The following TEX11 variants were observed in gnomAD, a reference collection of about 807,000 sequenced individuals.
TEX11 encodes the protein testis expressed 11.
Under a neutral mutation model 84.4 loss-of-function variants are expected in TEX11, and 7 were observed. That is an observed-to-expected ratio of 0.08 (90% CI 0.05 to 0.16). The LOEUF is 0.16. TEX11 is among the 10% of genes least tolerant of loss of function. TEX11 has a pLI of 1.00. For missense variants in TEX11, 551 were observed against 660.5 expected, an observed-to-expected ratio of 0.83 and a Z score of 1.82; for synonymous variants, 264 against 222.8, an observed-to-expected ratio of 1.18 and a Z score of -1.64.
At chrX:70,642,290 CA>C (rs1478468317) in intron 17 of TEX11, among the ~76,000 whole-genome samples, 2 of 111,287 alleles carry the variant, frequency 1.8e-5, no homozygotes, top group African/African-American at 6.5e-5. Context: ...GCTTACCAAC[CA>C]AAAAGAATCC....
intron 16 of TEX11, among the ~76,000 whole-genome samples, chrX:70,667,650 G>A (rs1014629562): frequency 2.7e-5 from 3 of 112,020 alleles, no homozygotes; most frequent in Non-Finnish European, 3.8e-5. Flanking sequence ...ACAGTAGGCC[G>A]GGCGCGGTGG....
intron 16 of TEX11, among the ~76,000 whole-genome samples, chrX:70,658,049 C>G (rs1397305907): frequency 9.2e-6 from 1 of 108,521 alleles, no homozygotes; most frequent in Non-Finnish European, 1.9e-5. Flanking sequence ...ACATTGTGCA[C>G]ATGTACCCTA....
intron 28 of TEX11, among the ~76,000 whole-genome samples, chrX:70,550,615 A>T (rs2147944848): frequency 8.9e-6 from 1 of 112,267 alleles, no homozygotes; most frequent in Non-Finnish European, 1.9e-5. Context: ...TCAAAAGAAG[A>T]CAAACAAATG....
chrX:70,741,167 C>T (rs1330788270), intron 10 of TEX11, among the ~76,000 whole-genome samples: 1 of 111,464 alleles, frequency 9.0e-6, no homozygotes, highest in Non-Finnish European at 1.9e-5. Flanking sequence ...CGTGGAACAA[C>T]TCTAAGAATT....
At chrX:70,728,337 A>G (rs1012702425) in intron 11 of TEX11, among the ~76,000 whole-genome samples, 6 of 112,887 alleles carry the variant, frequency 5.3e-5, no homozygotes, top group Non-Finnish European at 1.1e-4. Context: ...GGTGCAGTGC[A>G]CTGAGCCTGA....
At chrX:70,585,017 A>T (rs186473192) in intron 25 of TEX11, among the ~76,000 whole-genome samples, 13 of 112,076 alleles carry the variant, frequency 1.2e-4, no homozygotes, top group African/African-American at 3.6e-4. Flanking sequence ...GCTATTCAAC[A>T]TTGTACGGGA....
the TEX11 span, among the ~76,000 whole-genome samples, chrX:70,511,288 T>A: frequency 1.8e-5 from 2 of 112,702 alleles, no homozygotes; most frequent in Non-Finnish European, 3.7e-5. Context: ...TCTGTTATAT[T>A]TGGCACTGTC....
At chrX:70,712,631 C>A (rs914746789) in intron 13 of TEX11, among the ~76,000 whole-genome samples, 14 of 111,220 alleles carry the variant, frequency 1.3e-4, no homozygotes, top group Middle Eastern at 9.3e-3. Flanking sequence ...GATTTTTGCA[C>A]ATTGATTTTG....
chrX:70,569,077 C>T (rs927994174), intron 25 of TEX11, among the ~76,000 whole-genome samples: 2 of 111,586 alleles, frequency 1.8e-5, no homozygotes, highest in Non-Finnish European at 3.8e-5. Context: ...TCACATAGTC[C>T]CATATTTCTT....
Position 70,663,864 on chromosome X carries a change from G to A in TEX11, c.1380+6513C>T, listed in dbSNP as rs144463739. ...TGTTCCCTCGTATCTTTAGAGGATT[G>A]GTTCCAGGACACCCTCGGATATCAC... is the stretch of plus-strand genomic sequence containing the variant. On this transcript the variant is annotated intron_variant, in intron 16 of 29. Transcript: ENST00000374333. 2.8e-4 allele frequency among the ~76,000 whole-genome samples: 31 copies of A among 111,229 alleles called. No individual in the cohort carries two copies. In the East Asian group the frequency reaches 7.1e-3, roughly 25 times the overall value.
intron 24 of TEX11, among the ~76,000 whole-genome samples, chrX:70,593,096 C>T (rs911054877): frequency 1.9e-5 from 2 of 106,682 alleles, no homozygotes; most frequent in Admixed American, 1.0e-4. Flanking sequence ...CACACACACA[C>T]GCACACGCAC....
chrX:70,731,920 T>C (rs1173357171), intron 11 of TEX11, among the ~76,000 whole-genome samples: 8 of 111,454 alleles, frequency 7.2e-5, no homozygotes, highest in Non-Finnish European at 1.5e-4. Context: ...TACTGGCAAA[T>C]TGAATTCAGC....
At chrX:70,763,360 G>GT (rs888593610) in intron 9 of TEX11, among the ~76,000 whole-genome samples, 2 of 111,254 alleles carry the variant, frequency 1.8e-5, no homozygotes, top group Admixed American at 9.6e-5. Context: ...ACCAAGTCTC[G>GT]TATCTTCTCA....
At chrX:70,670,873 A>T (rs940535623) in intron 15 of TEX11, among the ~76,000 whole-genome samples, 5 of 112,132 alleles carry the variant, frequency 4.5e-5, no homozygotes, top group Admixed American at 3.8e-4. Context: ...ATGCTAATGC[A>T]GCTATTTTCA....
rs59552183 is a variant in TEX11, at chrX:70,574,155, A to T, written c.2140+17596T>A. 7.5e-3 allele frequency among the ~76,000 whole-genome samples: 846 copies of T among 112,157 alleles called. 11 individuals carry two copies. Among genetic ancestry groups the T allele is most frequent in the African/African-American group, 0.025 (782 of 30,953 alleles). ...AAACCAAATCACCAAGATTACTTCT[A>T]GCCCTAACATTTGATGATTTGCTAT... On this transcript the variant is annotated intron_variant, in intron 25 of 29. Transcript: ENST00000374333.
At chrX:70,881,929 T>C (rs1412234446) in intron 2 of TEX11, among the ~76,000 whole-genome samples, 1 of 102,828 alleles carries the variant, frequency 9.7e-6, no homozygotes, top group Non-Finnish European at 1.9e-5. Flanking sequence ...CTCCAGAAGG[T>C]GAGACAGGAG....
At chrX:70,727,884 T>C (rs1029711495) in intron 11 of TEX11, among the ~76,000 whole-genome samples, 7 of 111,979 alleles carry the variant, frequency 6.3e-5, no homozygotes, top group Non-Finnish European at 9.4e-5. Context: ...TCTCAGTCCC[T>C]AGAAGTGTGA....
chrX:70,751,053 C>T (rs1258800452), intron 9 of TEX11, among the ~76,000 whole-genome samples: 3 of 99,631 alleles, frequency 3.0e-5, no homozygotes, highest in Non-Finnish European at 4.1e-5. Flanking sequence ...CTAGTTCAAC[C>T]ATTGTGGAAG....
Position 70,610,508 on chromosome X carries a change from T to C in TEX11, c.1787A>G (p.Asn596Ser). 8.3e-7 allele frequency: 1 copy of C among 1,207,147 alleles called. No homozygotes were observed. ...ATAACCAGGGAGATATTTACCTCTA[T>C]TCAGGCAAGTCAAAAGTCGATCCAT... is the stretch of plus-strand genomic sequence containing the variant. ...KEMDRLLTCL[N>S]RAFVKLSQPF... is the part of the protein sequence containing the mutation. The change falls in exon 21 of 30, where the codon AAT becomes AGT. Residue 596 changes from asparagine to serine, a missense_variant. Coordinates refer to ENST00000374333, the MANE Select transcript of TEX11 (RefSeq NM_031276.3).
Sources: allele counts gnomAD v4.1 joint callset (sites outside exome capture counted in the v4.1 genomes callset), GRCh38; gene constraint gnomAD v4.1.1; transcripts MANE v1.5; gene names NCBI Gene and HGNC (gene_info 2026-07-23, HGNC 2026-07-21).